EHBP1: variants seen among roughly 807,000 people sequenced by gnomAD.
The protein encoded by EHBP1 is EH domain binding protein 1.
EHBP1 carries 55 observed loss-of-function variants against 144.0 expected under a neutral mutation model. The observed-to-expected ratio is 0.38, with a 90% CI of 0.31 to 0.48. The LOEUF (loss-of-function observed/expected upper bound fraction) is 0.48. Among genes scored for constraint, EHBP1 ranks in the 20% least tolerant of loss-of-function variants. EHBP1 has a pLI of 0.98. For missense variants in EHBP1, 1,200 were observed against 1,364.2 expected (o/e 0.88, Z 1.90); for synonymous variants, 469 against 472.7 (o/e 0.99, Z 0.10).
At chr2:62,835,603 G>T (rs1283341196) in intron 7 of EHBP1, among the ~76,000 whole-genome samples, 1 of 152,192 alleles carries the variant, frequency 6.6e-6, no homozygotes, top group African/African-American at 2.4e-5. Context: ...ACTAGGGAGT[G>T]CCAGACAGTG....
intron 7 of EHBP1, among the ~76,000 whole-genome samples, chr2:62,854,382 C>T (rs2048884116): frequency 6.6e-6 from 1 of 152,228 alleles, no homozygotes; most frequent in African/African-American, 2.4e-5. Context: ...CTGTTTAGCA[C>T]AAGAGGCCTA....
At chr2:62,879,873 T>C (rs1393701995) in intron 10 of EHBP1, among the ~76,000 whole-genome samples, 1 of 151,894 alleles carries the variant, frequency 6.6e-6, no homozygotes, top group Non-Finnish European at 1.5e-5. Flanking sequence ...AAAATTCATA[T>C]GGAAAAACAA....
chr2:62,860,354 G>A (rs1291424752), intron 8 of EHBP1, among the ~76,000 whole-genome samples: 1 of 152,130 alleles, frequency 6.6e-6, no homozygotes, highest in African/African-American at 2.4e-5. Context: ...AGCTGAGCAT[G>A]GTGGTGCATG....
At chr2:62,858,850 T>C (rs1444658339) in intron 7 of EHBP1, among the ~76,000 whole-genome samples, 1 of 152,222 alleles carries the variant, frequency 6.6e-6, no homozygotes, top group African/African-American at 2.4e-5. Flanking sequence ...TATTCCTGTT[T>C]GGGAGTGAAG....
At chr2:63,029,642 T>C (rs1435621266) in intron 19 of EHBP1, among the ~76,000 whole-genome samples, 1 of 152,136 alleles carries the variant, frequency 6.6e-6, no homozygotes, top group Non-Finnish European at 1.5e-5. Flanking sequence ...ATTATCCATA[T>C]AGAGATGAAG....
intron 1 of EHBP1, among the ~76,000 whole-genome samples, chr2:62,686,323 A>G (rs2033717235): frequency 6.6e-6 from 1 of 152,218 alleles, no homozygotes; most frequent in African/African-American, 2.4e-5. Context: ...AGAAGCAGCT[A>G]TTGCTCGACA....
chr2:62,971,735 A>C (rs1411138241), intron 14 of EHBP1, among the ~76,000 whole-genome samples: 1 of 152,178 alleles, frequency 6.6e-6, no homozygotes, highest in Non-Finnish European at 1.5e-5. Context: ...ACACATATAC[A>C]TGTGTGAGCA....
chr2:62,829,844 T>C (rs2152643004), intron 6 of EHBP1, among the ~76,000 whole-genome samples: 1 of 149,344 alleles, frequency 6.7e-6, no homozygotes, highest in Non-Finnish European at 1.5e-5. Flanking sequence ...AAAAAATAGA[T>C]ATTGACATGG....
intron 5 of EHBP1, among the ~76,000 whole-genome samples, chr2:62,806,797 A>C (rs974605650): frequency 3.3e-5 from 5 of 152,062 alleles, no homozygotes; most frequent in African/African-American, 9.7e-5. Flanking sequence ...AGCTAATCCA[A>C]GCCCACTTTC....
rs532617995 is a variant in EHBP1 at position 62,936,534 on chromosome 2, G to T, written c.1186-6184G>T. On this transcript the variant is annotated intron_variant, in intron 10 of 22. Transcript: ENST00000431489. ...GGATGAGGCTCATATTGCTATTTGG[G>T]AGTCCACCAAAAGTGCAACTCTACC... Among the ~76,000 whole-genome samples the T allele has an allele frequency of 7.2e-5, 11 of 151,926 alleles. No homozygotes were observed. In the South Asian group the frequency reaches 2.3e-3, roughly 32 times the overall value.
intron 1 of EHBP1, among the ~76,000 whole-genome samples, chr2:62,681,378 A>T (rs12618736): frequency 0.81 from 91,847 of 112,714 alleles, 38,254 homozygotes; most frequent in East Asian, 0.91. Flanking sequence ...TATATGTATA[A>T]ATATATAATG....
chr2:62,910,332 G>T (rs2054120791), intron 10 of EHBP1, among the ~76,000 whole-genome samples: 1 of 152,146 alleles, frequency 6.6e-6, no homozygotes, highest in African/African-American at 2.4e-5. Context: ...TGACTTTAAA[G>T]AATCATCTCT....
chr2:62,879,093 C>T (rs1381335261), intron 10 of EHBP1, among the ~76,000 whole-genome samples: 1 of 151,854 alleles, frequency 6.6e-6, no homozygotes, highest in Non-Finnish European at 1.5e-5. Flanking sequence ...TTTAACATCC[C>T]TTCATGTTAA....
chr2:63,031,589 TA>T (rs1389903734), intron 19 of EHBP1, among the ~76,000 whole-genome samples: 1 of 152,134 alleles, frequency 6.6e-6, no homozygotes, highest in Non-Finnish European at 1.5e-5. Context: ...CTCTTAGCAA[TA>T]AAAAGTTATG....
In EHBP1 at chr2:62,858,452, A is replaced by G. The variant is rs750395474; in HGVS notation, c.635-717A>G. 4 of 1,612,154 alleles carry G rather than the reference A, an allele frequency of 2.5e-6. No homozygotes were observed. In the East Asian group the frequency reaches 8.9e-5, roughly 36 times the overall value. ...CTCTGAGCAGCTTAGATGAAGATCA[A>G]GATGACTGCATAAAGCAAGCAAATA... On this transcript the variant is annotated intron_variant, in intron 7 of 22. Transcript: ENST00000431489.
chr2:62,793,079 T>C (rs1351057070), intron 5 of EHBP1, among the ~76,000 whole-genome samples: 5 of 152,122 alleles, frequency 3.3e-5, no homozygotes, highest in Non-Finnish European at 7.4e-5. Flanking sequence ...CTTTCGAACA[T>C]ATACATGTTG....
intron 10 of EHBP1, among the ~76,000 whole-genome samples, chr2:62,881,304 A>C (rs185352218): frequency 1.3e-5 from 2 of 151,786 alleles, no homozygotes; most frequent in East Asian, 3.9e-4. Context: ...TGTGTTTTTT[A>C]CTTGGGTGAT....
intron 14 of EHBP1, among the ~76,000 whole-genome samples, chr2:62,973,432 T>G (rs2058579474): frequency 1.3e-5 from 2 of 152,230 alleles, no homozygotes; most frequent in Non-Finnish European, 2.9e-5. Flanking sequence ...TTTGATACTT[T>G]GGGAATCATA....
intron 2 of EHBP1, among the ~76,000 whole-genome samples, chr2:62,742,098 G>A (rs2038765860): frequency 1.3e-5 from 2 of 152,098 alleles, no homozygotes; most frequent in African/African-American, 2.4e-5. Context: ...TCTAGCCTAG[G>A]AGTGATAGGC....
Sources: allele counts gnomAD v4.1 joint callset (sites outside exome capture counted in the v4.1 genomes callset), GRCh38; gene constraint gnomAD v4.1.1; transcripts MANE v1.5; gene names NCBI Gene and HGNC (gene_info 2026-07-23, HGNC 2026-07-21).